Variants in SCG5 observed in about 807,000 individuals in gnomAD.
SCG5 encodes the protein neuroendocrine protein 7B2.
A neutral mutation model predicts 25.7 loss-of-function variants in SCG5; 18 were observed. The ratio of observed to expected loss-of-function variants is 0.70; its 90% CI spans 0.48 to 1.04. The LOEUF is 1.04. Ranked by LOEUF, SCG5 falls within the 50% of genes least tolerant of loss-of-function variation. The pLI is 0.00. For synonymous variants in SCG5, 101 were observed against 91.7 expected (o/e 1.10, Z -0.58); for missense variants, 206 against 259.8 (o/e 0.79, Z 1.42).
At chr15:32,686,829 C>A (rs1042848949) in intron 4 of SCG5, among the ~76,000 whole-genome samples, 2 of 152,154 alleles carry the variant, frequency 1.3e-5, no homozygotes, top group African/African-American at 4.8e-5. Context: ...AGATGAATTG[C>A]ATGAAAATGA....
At chr15:32,688,176 G>A (rs1210371644) in intron 4 of SCG5, among the ~76,000 whole-genome samples, 1 of 152,162 alleles carries the variant, frequency 6.6e-6, no homozygotes, top group Non-Finnish European at 1.5e-5. Flanking sequence ...CTGTGTGGTA[G>A]TCCTATTGAG....
At position 32,681,471 on chromosome 15, in the gene SCG5, T is replaced by C. The variant is rs139271597; in HGVS notation, c.376+1556T>C. 8.8e-5 allele frequency among the ~76,000 whole-genome samples: 12 copies of C among 136,624 alleles called. No individual in the cohort carries two copies. In the East Asian group the frequency reaches 3.2e-3, roughly 36 times the overall value. 89.6% of individuals were successfully genotyped at this position (136,624 alleles called of 152,430 possible). On this transcript the variant is annotated intron_variant, in intron 3 of 5. Coordinates refer to ENST00000300175, the MANE Select transcript of SCG5 (RefSeq NM_001144757.3). Reference sequence around the variant, plus strand: ...GATAACATTGACTACTCAACTTTTTTTCTTTTTCTTTTTCTTTTTTTTTTT... The same window carrying C: ...GATAACATTGACTACTCAACTTTTTCTCTTTTTCTTTTTCTTTTTTTTTTT...
chr15:32,673,243 G>C (rs1339539191), intron 2 of SCG5: 1 of 152,190 alleles, frequency 6.6e-6, no homozygotes, highest in Non-Finnish European at 1.5e-5. Flanking sequence ...GGCAGTGACA[G>C]CTCCTTTATC....
intron 2 of SCG5, among the ~76,000 whole-genome samples, chr15:32,645,811 A>C (rs769754564): frequency 2.0e-5 from 3 of 152,142 alleles, no homozygotes; most frequent in African/African-American, 7.2e-5. Context: ...TAATGTGCTT[A>C]ACATAGCAAT....
intron 4 of SCG5, 143 bp from the exon 5 acceptor site, chr15:32,691,567 G>A (rs2054857475): frequency 1.3e-5 from 9 of 696,096 alleles, no homozygotes; most frequent in East Asian, 1.1e-4. Context: ...TTTCTGACAC[G>A]ACATTCCTTT....
At chr15:32,681,216 T>A (rs1400440743) in intron 3 of SCG5, among the ~76,000 whole-genome samples, 1 of 152,162 alleles carries the variant, frequency 6.6e-6, no homozygotes, top group Non-Finnish European at 1.5e-5. Flanking sequence ...ATCAGGTTGG[T>A]GCAAAAGTAA....
chr15:32,651,107 G>A (rs1038889218), intron 2 of SCG5, among the ~76,000 whole-genome samples: 1 of 152,196 alleles, frequency 6.6e-6, no homozygotes, highest in Non-Finnish European at 1.5e-5. Flanking sequence ...GCTGAGGCAG[G>A]AGAATCGCTT....
chr15:32,654,874 C>T (rs1052541065), intron 2 of SCG5, among the ~76,000 whole-genome samples: 3 of 152,170 alleles, frequency 2.0e-5, no homozygotes, highest in Admixed American at 6.5e-5. Context: ...AAGTGGGACT[C>T]GTGTTATTCC....
intron 2 of SCG5, among the ~76,000 whole-genome samples, chr15:32,670,928 C>A (rs1014967335): frequency 2.0e-5 from 3 of 152,322 alleles, no homozygotes; most frequent in Middle Eastern, 3.4e-3. Flanking sequence ...TCATTAATTT[C>A]GGCTCTGTTA....
chr15:32,654,844 T>G (rs55654632), intron 2 of SCG5, among the ~76,000 whole-genome samples: 33,627 of 152,136 alleles, frequency 0.22, 3,777 homozygotes, highest in Admixed American at 0.26. Flanking sequence ...GAAATAGCCA[T>G]TGACCTCTGA....
At chr15:32,650,323 G>A (rs545818654) in intron 2 of SCG5, among the ~76,000 whole-genome samples, 1 of 152,028 alleles carries the variant, frequency 6.6e-6, no homozygotes, top group Non-Finnish European at 1.5e-5. Flanking sequence ...GGATGGTCTC[G>A]ATCTCCTGAC....
intron 5 of SCG5, among the ~76,000 whole-genome samples, chr15:32,693,129 C>CACA (rs879746812): frequency 2.0e-5 from 3 of 152,152 alleles, no homozygotes; most frequent in African/African-American, 4.8e-5. Flanking sequence ...CTCCCTACAA[C>CACA]ACAACAAGAA....
At chr15:32,691,588 T>G in intron 4 of SCG5, 122 bp from the exon 5 acceptor site, 1 of 769,134 alleles carries the variant, frequency 1.3e-6, no homozygotes, top group Non-Finnish European at 2.1e-6. Flanking sequence ...CATCTAGTTT[T>G]GTTTCCAAAA....
intron 2 of SCG5, among the ~76,000 whole-genome samples, chr15:32,671,058 A>G (rs1241171456): frequency 1.3e-5 from 2 of 152,168 alleles, no homozygotes; most frequent in Non-Finnish European, 2.9e-5. Flanking sequence ...GTATCCTCCC[A>G]CAAGCATGTT....
chr15:32,643,562 A>G, intron 1 of SCG5, 24 bp from the exon 2 acceptor site: 1 of 1,524,978 alleles, frequency 6.6e-7, no homozygotes. Context: ...GCCTATCAGT[A>G]TACATTTGGT....
chr15:32,676,817 C>T (rs559939244), intron 2 of SCG5, among the ~76,000 whole-genome samples: 1 of 152,238 alleles, frequency 6.6e-6, no homozygotes, highest in African/African-American at 2.4e-5. Context: ...CAATTGCCAA[C>T]ACAATTAAAA....
chr15:32,670,295 G>T (rs140439958), intron 2 of SCG5, among the ~76,000 whole-genome samples: 1 of 152,238 alleles, frequency 6.6e-6, no homozygotes, highest in Non-Finnish European at 1.5e-5. Context: ...TGCCCTTGCC[G>T]GCTATGTGGG....
rs1231364622 is a variant in SCG5, at chr15:32,663,078, T to TATATAA, written c.227-16687_227-16686insTATAAA. Among the ~76,000 whole-genome samples, 32 of 52,220 alleles carry TATATAA rather than the reference T, an allele frequency of 6.1e-4. No homozygotes were observed. The East Asian group carries it at 7.1e-3, about 12-fold the overall frequency. The allele number at this position is 52,220 out of a possible 152,430, so 34.3% of individuals were successfully genotyped here. ...ATATATATATATATATATATATATA[T>TATATAA]AATATATAATATGTTATATATACAC... On this transcript the variant is annotated intron_variant, in intron 2 of 5. Coordinates refer to ENST00000300175, the MANE Select transcript of SCG5 (RefSeq NM_001144757.3).
intron 2 of SCG5, among the ~76,000 whole-genome samples, chr15:32,670,765 G>A (rs959530859): frequency 6.6e-6 from 1 of 152,204 alleles, no homozygotes; most frequent in Non-Finnish European, 1.5e-5. Flanking sequence ...TATGCTGCCT[G>A]GATTTGTAAC....
Sources: gnomAD v4.1 joint callset for allele counts (sites outside exome capture counted in the v4.1 genomes callset) on GRCh38, gnomAD v4.1.1 for gene constraint, MANE v1.5 for transcripts, NCBI Gene and HGNC (gene_info 2026-07-23, HGNC 2026-07-21) for gene names.